The following XKR6 variants were observed in gnomAD, a reference collection of about 807,000 sequenced individuals.
XKR6 encodes the protein XK related 6, also known as XK-related protein 6.
A neutral mutation model predicts 56.7 loss-of-function variants in XKR6; 22 were observed. That is an observed-to-expected ratio of 0.39 (90% CI 0.28 to 0.55). The LOEUF is 0.55. Ranked by LOEUF, XKR6 falls within the 20% of genes least tolerant of loss-of-function variation. The pLI is 0.66. For missense variants in XKR6, 852 were observed against 889.0 expected (o/e 0.96, Z 0.53); for synonymous variants, 524 against 387.8 (o/e 1.35, Z -4.13).
intron 1 of XKR6, among the ~76,000 whole-genome samples, chr8:11,139,119 A>T (rs1428700546): frequency 1.3e-5 from 2 of 152,246 alleles, no homozygotes. Flanking sequence ...TGCAAATTAC[A>T]AAGCTTTAAC....
intron 1 of XKR6, among the ~76,000 whole-genome samples, chr8:11,028,081 G>A (rs1798910635): frequency 6.6e-6 from 1 of 151,836 alleles, no homozygotes; most frequent in South Asian, 2.1e-4. Flanking sequence ...ATACAGAGCA[G>A]TTTCACCACC....
At chr8:11,120,641 C>G (rs1007853721) in intron 1 of XKR6, among the ~76,000 whole-genome samples, 14 of 152,074 alleles carry the variant, frequency 9.2e-5, no homozygotes, top group African/African-American at 3.4e-4. Flanking sequence ...AATGCCATCC[C>G]CATCAAGCTA....
At chr8:11,033,295 ATGG>A (rs1276314903) in intron 1 of XKR6, among the ~76,000 whole-genome samples, 1 of 149,560 alleles carries the variant, frequency 6.7e-6, no homozygotes, top group Non-Finnish European at 1.5e-5. Flanking sequence ...AGTGATGGTG[ATGG>A]TGGTGGTGAT....
chr8:10,997,423 T>G (rs1029593482), intron 1 of XKR6, among the ~76,000 whole-genome samples: 2 of 152,142 alleles, frequency 1.3e-5, no homozygotes, highest in African/African-American at 4.8e-5. Flanking sequence ...GCAGCCAGGA[T>G]GTAAACCCAG....
chr8:11,152,245 C>T (rs982572378), intron 1 of XKR6, among the ~76,000 whole-genome samples: 1 of 152,200 alleles, frequency 6.6e-6, no homozygotes, highest in African/African-American at 2.4e-5. Flanking sequence ...ATTACCCAAA[C>T]TTCTCTGAAG....
At chr8:11,032,381 T>C (rs1343051534) in intron 1 of XKR6, among the ~76,000 whole-genome samples, 2 of 152,136 alleles carry the variant, frequency 1.3e-5, no homozygotes, top group East Asian at 1.9e-4. Flanking sequence ...GCAAAGCTGT[T>C]TGTGGTGTGA....
At chr8:11,026,521 G>T (rs1437399886) in intron 1 of XKR6, among the ~76,000 whole-genome samples, 5 of 149,824 alleles carry the variant, frequency 3.3e-5, no homozygotes, top group African/African-American at 1.2e-4. Context: ...CACTTAGATG[G>T]TCTAGCCTAC....
At chr8:10,922,716 TC>T (rs1411114695) in intron 2 of XKR6, among the ~76,000 whole-genome samples, 1 of 152,176 alleles carries the variant, frequency 6.6e-6, no homozygotes, top group Non-Finnish European at 1.5e-5. Context: ...ACAGCCTGGG[TC>T]CTCAGGCATC....
chr8:10,967,505 G>C (rs574656009), intron 1 of XKR6, among the ~76,000 whole-genome samples: 1 of 152,244 alleles, frequency 6.6e-6, no homozygotes, highest in African/African-American at 2.4e-5. Flanking sequence ...CAGGTGGACA[G>C]TGCAGGCAGC....
At chr8:10,938,465 A>G (rs1801294781) in intron 1 of XKR6, among the ~76,000 whole-genome samples, 1 of 152,226 alleles carries the variant, frequency 6.6e-6, no homozygotes, top group African/African-American at 2.4e-5. Flanking sequence ...ATCCTTCCGC[A>G]GGTGAATATA....
intron 2 of XKR6, among the ~76,000 whole-genome samples, chr8:10,922,210 C>G (rs1048898167): frequency 2.0e-5 from 3 of 152,230 alleles, no homozygotes; most frequent in Non-Finnish European, 4.4e-5. Flanking sequence ...ATGGGCTAAG[C>G]TGAAGTCTCA....
chr8:11,010,155 C>T (rs1015840771), intron 1 of XKR6, among the ~76,000 whole-genome samples: 7 of 152,050 alleles, frequency 4.6e-5, no homozygotes, highest in African/African-American at 1.7e-4. Flanking sequence ...TATATGGCCA[C>T]AACAGGAGGA....
At chr8:10,915,099 C>T (rs1226766669) in intron 2 of XKR6, among the ~76,000 whole-genome samples, 9 of 152,228 alleles carry the variant, frequency 5.9e-5, no homozygotes, top group Admixed American at 5.9e-4. Flanking sequence ...TCTCTCTTCC[C>T]AGCTTTCTTG....
chr8:10,981,511 C>T (rs1797735660), intron 1 of XKR6, among the ~76,000 whole-genome samples: 1 of 152,302 alleles, frequency 6.6e-6, no homozygotes, highest in South Asian at 2.1e-4. Context: ...ATTCCACTAA[C>T]AAAGACATTG....
chr8:11,148,136 G>T (rs373023713), intron 1 of XKR6, among the ~76,000 whole-genome samples: 1 of 152,142 alleles, frequency 6.6e-6, no homozygotes, highest in African/African-American at 2.4e-5. Flanking sequence ...CTTGAACTCA[G>T]GAGGCTGAGG....
intron 1 of XKR6, among the ~76,000 whole-genome samples, chr8:10,951,857 G>A (rs1801734978): frequency 6.6e-6 from 1 of 152,140 alleles, no homozygotes; most frequent in Non-Finnish European, 1.5e-5. Flanking sequence ...AGGGGGCAGG[G>A]GTGGGAGCTG....
At chr8:11,022,387 C>T (rs949128075) in intron 1 of XKR6, among the ~76,000 whole-genome samples, 10 of 152,192 alleles carry the variant, frequency 6.6e-5, no homozygotes, top group South Asian at 2.1e-4. Context: ...CTACCTGCAG[C>T]GACCCAAAAC....
chr8:11,152,991 T>C (rs1302821346), intron 1 of XKR6, among the ~76,000 whole-genome samples: 3 of 152,234 alleles, frequency 2.0e-5, no homozygotes, highest in African/African-American at 7.2e-5. Flanking sequence ...TGTTTCTGAC[T>C]ATGATCACAG....
chr8:11,068,030 G>A (rs771135006), intron 1 of XKR6, among the ~76,000 whole-genome samples: 1 of 152,340 alleles, frequency 6.6e-6, no homozygotes, highest in Non-Finnish European at 1.5e-5. Flanking sequence ...GGGGTTCAGG[G>A]TCACATTTGA....
Sources: allele counts gnomAD v4.1 joint callset (sites outside exome capture counted in the v4.1 genomes callset), GRCh38; gene constraint gnomAD v4.1.1; transcripts MANE v1.5; gene names NCBI Gene and HGNC (gene_info 2026-07-23, HGNC 2026-07-21).